RSPH14: variants seen among roughly 807,000 people sequenced by gnomAD.
RSPH14 encodes the protein radial spoke head 14 homolog.
RSPH14 carries 20 observed loss-of-function variants against 26.7 expected under a neutral mutation model. The observed-to-expected ratio is 0.75, with a 90% CI of 0.53 to 1.09. RSPH14 has a LOEUF of 1.09. Among genes scored for constraint, RSPH14 ranks in the 50% least tolerant of loss-of-function variants. The pLI, the probability that RSPH14 is intolerant of heterozygous loss-of-function variation, is 0.00. For missense variants in RSPH14, 449 were observed against 457.2 expected, an observed-to-expected ratio of 0.98 and a Z score of 0.16; for synonymous variants, 177 against 189.3, an observed-to-expected ratio of 0.93 and a Z score of 0.53.
intron 4 of RSPH14, among the ~76,000 whole-genome samples, chr22:23,084,933 A>G (rs1428258400): frequency 6.6e-6 from 1 of 152,194 alleles, no homozygotes; most frequent in Non-Finnish European, 1.5e-5. Flanking sequence ...TCCAGGTGCC[A>G]TTGCACACTG....
intron 5 of RSPH14, among the ~76,000 whole-genome samples, chr22:23,063,659 G>T (rs1405705933): frequency 6.6e-6 from 1 of 152,182 alleles, no homozygotes; most frequent in Non-Finnish European, 1.5e-5. Context: ...TGGGGAGGGG[G>T]TGCACAATCA....
intron 4 of RSPH14, among the ~76,000 whole-genome samples, chr22:23,078,619 C>T (rs766666832): frequency 6.6e-6 from 1 of 152,248 alleles, no homozygotes; most frequent in Admixed American, 6.5e-5. Context: ...GAGGGTGTGG[C>T]CACTGCGGTC....
At chr22:23,144,042 G>A (rs563450129), upstream of RSPH14, among the ~76,000 whole-genome samples, 13 of 128,548 alleles carry the variant, frequency 1.0e-4, no homozygotes, top group African/African-American at 2.1e-4. Context: ...GCAGTGAGCC[G>A]AGATCACACT....
intron 4 of RSPH14, among the ~76,000 whole-genome samples, chr22:23,085,513 G>C (rs992737105): frequency 6.6e-6 from 1 of 152,230 alleles, no homozygotes; most frequent in Non-Finnish European, 1.5e-5. Flanking sequence ...TAGGAGCAAC[G>C]GGAGAAGCAG....
At chr22:23,123,733 G>C (rs986276855) in intron 4 of RSPH14, 58 of 375,174 alleles carry the variant, frequency 1.5e-4, no homozygotes, top group Non-Finnish European at 2.4e-4. Flanking sequence ...AGCCCAACCT[G>C]CCCCTTCACT....
chr22:23,113,426 C>T (rs887965473), intron 4 of RSPH14, among the ~76,000 whole-genome samples: 1 of 152,252 alleles, frequency 6.6e-6, no homozygotes, highest in African/African-American at 2.4e-5. Context: ...CCTGCCCATA[C>T]CCCTTTGGCC....
In RSPH14 at chr22:23,071,173, C is replaced by G. The variant is rs752364738; in HGVS notation, c.422-7040G>C. Among the ~76,000 whole-genome samples the G allele has an allele frequency of 2.0e-4, 31 of 152,112 alleles. No individual in the cohort carries two copies. Among genetic ancestry groups the G allele is most frequent in the Non-Finnish European group, 4.3e-4 (29 of 68,002 alleles). On this transcript the variant is annotated intron_variant, in intron 4 of 6. Coordinates refer to ENST00000216036, the MANE Select transcript of RSPH14 (RefSeq NM_014433.3). This position sits in a 1 kb window ranked among gnomAD's most constrained non-coding sequence, Gnocchi z 4.1. The stretch of plus-strand genomic sequence containing the variant: ...GTATCGACCTGCTGCGATTGTAATA[C>G]GTTCCCGGCTCAATATTTTTTCCCT...
intron 4 of RSPH14, among the ~76,000 whole-genome samples, chr22:23,108,367 G>A (rs145114826): frequency 3.9e-4 from 59 of 152,364 alleles, no homozygotes; most frequent in African/African-American, 1.3e-3. Context: ...TTGTGACTAG[G>A]GCTTACTTCA....
intron 4 of RSPH14, chr22:23,096,307 G>A (rs371634647): frequency 3.1e-6 from 5 of 1,613,878 alleles, no homozygotes; most frequent in Middle Eastern, 1.6e-4. Flanking sequence ...ACGTGGGGGG[G>A]CAGAGGTCAG....
chr22:23,145,192 T>G, upstream of RSPH14: 1 of 644,612 alleles, frequency 1.6e-6, no homozygotes, highest in Non-Finnish European at 2.7e-6. Flanking sequence ...CGCGAATCTC[T>G]CCACGGTCAG....
At chr22:23,123,317 G>A in intron 4 of RSPH14, 1 of 1,613,304 alleles carries the variant, frequency 6.2e-7, no homozygotes, top group Non-Finnish European at 8.5e-7. Context: ...AGGAGACCAA[G>A]GAGATCTACT....
intron 3 of RSPH14, among the ~76,000 whole-genome samples, chr22:23,135,440 CAAG>C (rs1282317477): frequency 6.0e-5 from 9 of 150,908 alleles, no homozygotes; most frequent in East Asian, 3.9e-4. Context: ...TGCAGTGAGC[CAAG>C]AACGCACAAC....
upstream of RSPH14, among the ~76,000 whole-genome samples, chr22:23,143,214 C>A (rs2070629182): frequency 6.6e-6 from 1 of 151,532 alleles, no homozygotes; most frequent in African/African-American, 2.4e-5. Context: ...TTGCTTGAGC[C>A]CAAGAGTTTG....
chr22:23,076,344 G>A (rs1483338790), intron 4 of RSPH14, among the ~76,000 whole-genome samples: 1 of 152,206 alleles, frequency 6.6e-6, no homozygotes, highest in Non-Finnish European at 1.5e-5. Context: ...GGGAGTCGCT[G>A]TGGAGGGACT....
intron 4 of RSPH14, among the ~76,000 whole-genome samples, chr22:23,080,919 G>A (rs971561744): frequency 2.6e-5 from 4 of 152,190 alleles, no homozygotes; most frequent in Admixed American, 1.3e-4. Context: ...TCAGTACAGG[G>A]TTGGCCCTCC....
chr22:23,077,450 C>T, intron 4 of RSPH14, among the ~76,000 whole-genome samples: 1 of 152,214 alleles, frequency 6.6e-6, no homozygotes, highest in African/African-American at 2.4e-5. Context: ...CTCTACAAGG[C>T]CGGGAGCCTC....
At chr22:23,130,159 G>GA (rs901029431) in intron 4 of RSPH14, among the ~76,000 whole-genome samples, 1 of 131,270 alleles carries the variant, frequency 7.6e-6, no homozygotes, top group Admixed American at 7.7e-5. Context: ...AAGAAAGAAA[G>GA]AAAAAGAAAA....
the RSPH14 span, chr22:23,158,061 G>A: frequency 6.2e-7 from 1 of 1,613,878 alleles, no homozygotes; most frequent in South Asian, 1.1e-5. Flanking sequence ...TGGGCTCTCT[G>A]GCCCCTGCAG....
At chr22:23,153,491 A>G in the RSPH14 span, 1 of 881,872 alleles carries the variant, frequency 1.1e-6, no homozygotes, top group Non-Finnish European at 1.4e-6. Flanking sequence ...GGCCTCCCGC[A>G]GGTTGCTGCT....
Sources: allele counts gnomAD v4.1 joint callset (sites outside exome capture counted in the v4.1 genomes callset), GRCh38; gene constraint gnomAD v4.1.1; non-coding constraint Gnocchi (gnomAD v3.1); transcripts MANE v1.5; gene names NCBI Gene and HGNC (gene_info 2026-07-23, HGNC 2026-07-21).